Variants in EYS observed in about 807,000 individuals in gnomAD.
EYS encodes the protein protein eyes shut homolog.
EYS carries 250 observed loss-of-function variants against 282.1 expected under a neutral mutation model. The observed-to-expected ratio is 0.89, with a 90% CI of 0.80 to 0.98. The LOEUF (loss-of-function observed/expected upper bound fraction) is 0.98. Ranked by LOEUF, EYS falls within the 50% of genes least tolerant of loss-of-function variation. EYS has a pLI of 0.00. For missense variants in EYS, 4,016 were observed against 3,709.0 expected (o/e 1.08, Z -2.15); for synonymous variants, 1,355 against 1,282.9 (o/e 1.06, Z -1.20).
At chr6:65,331,721 T>G in intron 11 of EYS, 1 of 981,380 alleles carries the variant, frequency 1.0e-6, no homozygotes, top group South Asian at 4.7e-5. Flanking sequence ...AAAATCATTG[T>G]TTCATTAAAC....
At chr6:65,226,915 A>AC (rs765153984) in intron 12 of EYS, among the ~76,000 whole-genome samples, 12 of 152,300 alleles carry the variant, frequency 7.9e-5, no homozygotes, top group Non-Finnish European at 1.6e-4. Context: ...GGCATAACAA[A>AC]CAATGGAATA....
In EYS at chr6:65,495,395, T is replaced by C. The variant is rs779012572; in HGVS notation, c.16A>G (p.Ile6Val). The change falls in exon 4 of 43, where the codon ATC (isoleucine) becomes GTC (valine). Residue 6 changes from isoleucine to valine, a missense_variant. By Grantham distance (29) the Ile-to-Val change is conservative. Transcript: ENST00000503581. ...AAAACCATCAGGCTCAGAATGACGATTGATTTGTCAGTCATTTTCGGGTAG... is the reference window on the plus strand; with the variant it reads ...AAAACCATCAGGCTCAGAATGACGACTGATTTGTCAGTCATTTTCGGGTAG... Reference protein sequence around the residue: MTDKSIVILSLMVFHS... With the variant: MTDKSVVILSLMVFHS... The C allele has an allele frequency of 3.0e-5, 48 of 1,611,210 alleles. No individual in the cohort carries two copies. The African/African-American group carries it at 3.6e-4, about 12-fold the overall frequency.
chr6:64,498,950 G>T (rs919594568), intron 26 of EYS, among the ~76,000 whole-genome samples: 1 of 152,146 alleles, frequency 6.6e-6, no homozygotes, highest in African/African-American at 2.4e-5. Context: ...ATAGTAGAAT[G>T]ATTTATAATC....
At chr6:63,979,532 A>T (rs1766995315) in intron 35 of EYS, among the ~76,000 whole-genome samples, 1 of 151,966 alleles carries the variant, frequency 6.6e-6, no homozygotes, top group African/African-American at 2.4e-5. Context: ...CTGTAATGTC[A>T]GTGATGTAAG....
chr6:64,183,148 T>G (rs1208307938), intron 31 of EYS, among the ~76,000 whole-genome samples: 1 of 152,180 alleles, frequency 6.6e-6, no homozygotes, highest in East Asian at 1.9e-4. Context: ...TTCTCCCTCC[T>G]GCCACGATGT....
intron 14 of EYS, among the ~76,000 whole-genome samples, chr6:64,962,547 T>A (rs1769956451): frequency 6.7e-6 from 1 of 149,092 alleles, no homozygotes; most frequent in South Asian, 2.1e-4. Context: ...CTGGGCAACA[T>A]AGGAAGACAC....
At chr6:65,038,745 T>A (rs1286523771) in intron 13 of EYS, among the ~76,000 whole-genome samples, 2 of 151,630 alleles carry the variant, frequency 1.3e-5, no homozygotes, top group Non-Finnish European at 3.0e-5. Context: ...ACATTTTCAA[T>A]AATTTTTTTA....
At chr6:65,200,760 AAAAATTGCTTAGCCAC>A (rs1451170928) in intron 12 of EYS, among the ~76,000 whole-genome samples, 1 of 152,088 alleles carries the variant, frequency 6.6e-6, no homozygotes, top group Non-Finnish European at 1.5e-5. Flanking sequence ...CTAAATATTA[AAAAATTGCTTAGCCAC>A]AAAATTTTCT....
intron 35 of EYS, among the ~76,000 whole-genome samples, chr6:63,892,009 A>G (rs1434569474): frequency 6.6e-6 from 1 of 152,224 alleles, no homozygotes; most frequent in African/African-American, 2.4e-5. Context: ...ATTCCTATCA[A>G]TACAACTTAC....
intron 35 of EYS, among the ~76,000 whole-genome samples, chr6:63,909,315 T>C (rs1237934452): frequency 3.3e-5 from 5 of 152,212 alleles, no homozygotes; most frequent in Admixed American, 3.3e-4. Flanking sequence ...GATCAATCTA[T>C]CATTTATCTA....
At chr6:64,376,646 C>G (rs1250236847) in intron 29 of EYS, among the ~76,000 whole-genome samples, 2 of 152,146 alleles carry the variant, frequency 1.3e-5, no homozygotes, top group Non-Finnish European at 2.9e-5. Context: ...CTACAGCTAA[C>G]CTATCAGACA....
At chr6:65,331,470 C>A (rs2150311212) in intron 11 of EYS, 1 of 876,414 alleles carries the variant, frequency 1.1e-6, no homozygotes, top group African/African-American at 1.8e-5. Flanking sequence ...TATAGAGAAA[C>A]TTAATTTTAT....
intron 14 of EYS, among the ~76,000 whole-genome samples, chr6:64,960,855 T>C (rs1035878729): frequency 1.3e-5 from 2 of 152,136 alleles, no homozygotes; most frequent in Admixed American, 6.6e-5. Context: ...CCCCTCTATG[T>C]GTCCATGTGG....
At chr6:63,857,709 T>A (rs546704772) in intron 36 of EYS, 1 of 412,712 alleles carries the variant, frequency 2.4e-6, no homozygotes, top group East Asian at 6.3e-5. Context: ...GATGTTGACC[T>A]TTTTGCCATC....
At chr6:64,829,628 T>A (rs912549887) in intron 19 of EYS, among the ~76,000 whole-genome samples, 1 of 151,904 alleles carries the variant, frequency 6.6e-6, no homozygotes, top group African/African-American at 2.4e-5. Flanking sequence ...TAGCACACCA[T>A]CCAAAAACTA....
At chr6:63,823,548 A>T (rs374240599) in intron 36 of EYS, among the ~76,000 whole-genome samples, 1 of 152,132 alleles carries the variant, frequency 6.6e-6, no homozygotes, top group Non-Finnish European at 1.5e-5. Context: ...TAAGAAAAAA[A>T]TTTCTCATTT....
chr6:65,172,638 G>A (rs1765131365), intron 12 of EYS, among the ~76,000 whole-genome samples: 1 of 151,150 alleles, frequency 6.6e-6, no homozygotes. Flanking sequence ...AAACAGGAAG[G>A]AGGATACAGC....
At position 64,672,697 on chromosome 6, in the gene EYS, C is replaced by T. The variant is rs370376484; in HGVS notation, c.3444-46452G>A. On this transcript the variant is annotated intron_variant, in intron 22 of 42. Transcript: ENST00000503581. ...TAAATCGTTTCCTGAAGCTTATGTG[C>T]CTTGGTCTTTTGAGTACAGTAACTG... Among the ~76,000 whole-genome samples the T allele has an allele frequency of 7.2e-5, 11 of 152,202 alleles. No homozygotes were observed. The South Asian group carries it at 1.7e-3, about 23-fold the overall frequency.
chr6:65,413,758 A>G (rs1383851164), intron 5 of EYS, among the ~76,000 whole-genome samples: 1 of 152,056 alleles, frequency 6.6e-6, no homozygotes, highest in Non-Finnish European at 1.5e-5. Flanking sequence ...CGGAAGGCTG[A>G]GGCAGAAGAA....
Sources: allele counts gnomAD v4.1 joint callset (sites outside exome capture counted in the v4.1 genomes callset), GRCh38; gene constraint gnomAD v4.1.1; transcripts MANE v1.5; gene names NCBI Gene and HGNC (gene_info 2026-07-23, HGNC 2026-07-21).